The following ZNF600 variants were observed in gnomAD, a reference collection of about 807,000 sequenced individuals.
ZNF600 encodes zinc finger protein 600, also known as zinc finger protein KR-ZNF1.
A neutral mutation model predicts 7.3 loss-of-function variants in ZNF600; 4 were observed. The observed-to-expected ratio is 0.55, with a 90% CI of 0.27 to 1.25. The LOEUF is 1.25. ZNF600 is among the 50% of genes most tolerant of loss of function. The pLI is 0.12. For synonymous variants in ZNF600, 290 were observed against 308.9 expected (o/e 0.94, Z 0.64); for missense variants, 911 against 922.1 (o/e 0.99, Z 0.16).
upstream of ZNF600, among the ~76,000 whole-genome samples, chr19:52,787,497 C>T (rs183727186): frequency 3.5e-3 from 518 of 147,542 alleles, 8 homozygotes; most frequent in African/African-American, 0.011. Context: ...AGCTCCGCCT[C>T]CCGGGTTCAC....
At chr19:52,794,328 A>G in the ZNF600 span, among the ~76,000 whole-genome samples, 3 of 152,190 alleles carry the variant, frequency 2.0e-5, no homozygotes, top group Admixed American at 6.5e-5. Flanking sequence ...TCCTACAGGA[A>G]AAGCCACACA....
intron 3 of ZNF600, among the ~76,000 whole-genome samples, chr19:52,770,482 A>G (rs7253892): frequency 0.066 from 10,043 of 152,308 alleles, 1,069 homozygotes; most frequent in African/African-American, 0.22. Context: ...GTAGAAAAGT[A>G]CAATTATGAT....
chr19:52,786,348 G>A (rs10416670), intron 1 of ZNF600, among the ~76,000 whole-genome samples: 23,324 of 152,142 alleles, frequency 0.15, 1,891 homozygotes, highest in Non-Finnish European at 0.17. Context: ...CAGCCTCCCC[G>A]GGGCTGGGGC....
chr19:52,815,697 T>C, the ZNF600 span, among the ~76,000 whole-genome samples: 6 of 144,578 alleles, frequency 4.2e-5, 2 homozygotes, highest in African/African-American at 1.6e-4. Flanking sequence ...TGGTGGCAGG[T>C]GCCTGTGGTC....
the ZNF600 span, chr19:52,807,824 T>C: frequency 5.8e-6 from 6 of 1,041,942 alleles, no homozygotes; most frequent in Non-Finnish European, 8.2e-6. Flanking sequence ...CACTGAGCTA[T>C]CATGAAGAAT....
upstream of ZNF600, among the ~76,000 whole-genome samples, chr19:52,789,401 T>C (rs2062785917): frequency 6.6e-6 from 1 of 152,148 alleles, no homozygotes; most frequent in Admixed American, 6.5e-5. Flanking sequence ...TCAAAAGAAT[T>C]TTGGAAATGT....
chr19:52,781,956 G>A (rs539080268), intron 1 of ZNF600, among the ~76,000 whole-genome samples: 124 of 149,786 alleles, frequency 8.3e-4, no homozygotes, highest in African/African-American at 3.1e-3. Context: ...AGCTATTCAG[G>A]ATGCTGAGGC....
the ZNF600 span, among the ~76,000 whole-genome samples, chr19:52,806,490 G>A: frequency 3.9e-5 from 6 of 151,962 alleles, no homozygotes; most frequent in South Asian, 4.2e-4. Context: ...CACTGCACAC[G>A]TCCAGGTTAT....
chr19:52,831,232 T>C, the ZNF600 span, among the ~76,000 whole-genome samples: 2 of 152,122 alleles, frequency 1.3e-5, no homozygotes, highest in Non-Finnish European at 2.9e-5. Flanking sequence ...GGTAGAGATG[T>C]GTCTGTGGAA....
chr19:52,791,628 C>T (rs906748336), upstream of ZNF600, among the ~76,000 whole-genome samples: 9 of 152,030 alleles, frequency 5.9e-5, no homozygotes, highest in Non-Finnish European at 1.3e-4. Context: ...TCACTCCCTT[C>T]CTGTGACAAA....
At chr19:52,800,984 G>C in the ZNF600 span, 2 of 1,613,966 alleles carry the variant, frequency 1.2e-6, no homozygotes, top group Non-Finnish European at 8.5e-7. Flanking sequence ...CCTTGTGAAG[G>C]AAGAGGGATG....
the ZNF600 span, among the ~76,000 whole-genome samples, chr19:52,820,274 C>A: frequency 7.3e-6 from 1 of 137,056 alleles, no homozygotes; most frequent in African/African-American, 3.1e-5. Flanking sequence ...CCCGCCACCG[C>A]GCCCGGCTAA....
the ZNF600 span, chr19:52,817,813 A>C: frequency 1.3e-6 from 2 of 1,551,780 alleles, no homozygotes; most frequent in Non-Finnish European, 8.8e-7. Flanking sequence ...GATGAACTGA[A>C]GGAAGGCATG....
At chr19:52,804,405 C>A in the ZNF600 span, among the ~76,000 whole-genome samples, 40,463 of 152,026 alleles carry the variant, frequency 0.27, 6,086 homozygotes, top group East Asian at 0.72. Context: ...CAGTCTTACT[C>A]TGTCTCCCGG....
At chr19:52,798,711 G>A in the ZNF600 span, 8 of 455,348 alleles carry the variant, frequency 1.8e-5, no homozygotes, top group East Asian at 1.3e-4. Flanking sequence ...GCATGAGTTC[G>A]ATGATGAATA....
chr19:52,797,351 A>G, the ZNF600 span: 1 of 152,256 alleles, frequency 6.6e-6, no homozygotes, highest in Non-Finnish European at 1.5e-5. Flanking sequence ...TATTCAATCA[A>G]TGCTGGCTGT....
the ZNF600 span, chr19:52,814,262 C>G: frequency 3.4e-5 from 5 of 145,658 alleles, 1 homozygote; most frequent in African/African-American, 1.3e-4. Flanking sequence ...ATATACACAT[C>G]GTGTGATGTT....
upstream of ZNF600, among the ~76,000 whole-genome samples, chr19:52,787,752 A>C (rs1426506450): frequency 6.8e-6 from 1 of 148,058 alleles, no homozygotes; most frequent in African/African-American, 2.5e-5. Flanking sequence ...CCCAGCTACT[A>C]GGGAGGCTGA....
chr19:52,830,984 T>C, the ZNF600 span, among the ~76,000 whole-genome samples: 1 of 149,410 alleles, frequency 6.7e-6, no homozygotes, highest in Non-Finnish European at 1.5e-5. Flanking sequence ...CAAATTACAA[T>C]ACAGGCAAGG....
Sources: gnomAD v4.1 joint callset for allele counts (sites outside exome capture counted in the v4.1 genomes callset) on GRCh38, gnomAD v4.1.1 for gene constraint, MANE v1.5 for transcripts, NCBI Gene and HGNC (gene_info 2026-07-23, HGNC 2026-07-21) for gene names.